DENND1A: variants seen among roughly 807,000 people sequenced by gnomAD.
DENND1A encodes the protein DENN domain containing 1A, also known as DENN domain-containing protein 1A.
In DENND1A, 51 loss-of-function variants were observed where a neutral mutation model predicts 113.7. That is an observed-to-expected ratio of 0.45 (90% confidence interval 0.36 to 0.57). DENND1A has a LOEUF of 0.57. Ranked by LOEUF, DENND1A falls within the 20% of genes least tolerant of loss-of-function variation. DENND1A has a pLI of 0.00. For missense variants in DENND1A, 1,258 were observed against 1,395.9 expected (o/e 0.90, Z 1.57); for synonymous variants, 565 against 570.8 (o/e 0.99, Z 0.14).
At chr9:123,526,210 C>A (rs1027849098) in intron 13 of DENND1A, among the ~76,000 whole-genome samples, 3 of 152,140 alleles carry the variant, frequency 2.0e-5, no homozygotes, top group South Asian at 4.1e-4. Flanking sequence ...CACCCCCATG[C>A]CTGCTGTTAG....
intron 5 of DENND1A, among the ~76,000 whole-genome samples, chr9:123,723,255 C>T (rs1323812271): frequency 6.6e-6 from 1 of 152,218 alleles, no homozygotes; most frequent in East Asian, 1.9e-4. Context: ...TTTCTGTACC[C>T]CCAGTGTATC....
chr9:123,730,526 C>A (rs920648043), intron 5 of DENND1A, among the ~76,000 whole-genome samples: 1 of 152,156 alleles, frequency 6.6e-6, no homozygotes, highest in African/African-American at 2.4e-5. Context: ...CACTGGCCAT[C>A]AGAGAAATGC....
intron 13 of DENND1A, among the ~76,000 whole-genome samples, chr9:123,458,558 C>T (rs1390497968): frequency 6.6e-6 from 1 of 152,132 alleles, no homozygotes; most frequent in African/African-American, 2.4e-5. Context: ...CCTTCCGTAC[C>T]CCAAGGGCTA....
intron 21 of DENND1A, among the ~76,000 whole-genome samples, chr9:123,390,236 T>A (rs1342898187): frequency 6.6e-6 from 1 of 152,224 alleles, no homozygotes; most frequent in Non-Finnish European, 1.5e-5. Flanking sequence ...ACAGCATGAA[T>A]GCTGTGGAAG....
intron 8 of DENND1A, among the ~76,000 whole-genome samples, chr9:123,666,581 T>C (rs2063502491): frequency 6.6e-6 from 1 of 152,154 alleles, no homozygotes; most frequent in Non-Finnish European, 1.5e-5. Flanking sequence ...ATTTCACTTA[T>C]AAAAGCAGAA....
intron 13 of DENND1A, among the ~76,000 whole-genome samples, chr9:123,472,608 A>G (rs528574633): frequency 4.4e-4 from 67 of 152,166 alleles, no homozygotes; most frequent in African/African-American, 1.4e-3. Context: ...CGAGGGAAAC[A>G]TGCCCAGGAG....
chr9:123,622,124 A>G (rs1331226456), intron 10 of DENND1A, among the ~76,000 whole-genome samples: 1 of 152,196 alleles, frequency 6.6e-6, no homozygotes, highest in Non-Finnish European at 1.5e-5. Context: ...TTCACTGTAC[A>G]TATCCTATTT....
rs187316692 is a variant in DENND1A, at chr9:123,587,041, C to T, written c.766-3771G>A. ...CAGGTTGAGAAATAATAGACACACA[C>T]GAGATAGTGAAAGCTGGGTCCAGGG... On this transcript the variant is annotated intron_variant, in intron 11 of 23. Coordinates refer to ENST00000394215, the MANE Select transcript of DENND1A (RefSeq NM_001352964.2). Among the ~76,000 whole-genome samples the T allele has an allele frequency of 8.6e-5, 13 of 151,652 alleles. No homozygotes were observed. In the East Asian group the frequency reaches 1.2e-3, roughly 14 times the overall value.
At chr9:123,588,620 CA>C (rs546095119) in intron 11 of DENND1A, among the ~76,000 whole-genome samples, 318 of 51,246 alleles carry the variant, frequency 6.2e-3, no homozygotes, top group Non-Finnish European at 8.5e-3. Context: ...AACTCCATCT[CA>C]AAAAAAAAAA....
At chr9:123,839,688 T>C (rs906241146) in intron 2 of DENND1A, among the ~76,000 whole-genome samples, 7 of 152,234 alleles carry the variant, frequency 4.6e-5, no homozygotes, top group African/African-American at 1.2e-4. Flanking sequence ...TTCTTTTAAA[T>C]TGAATAATTT....
intron 2 of DENND1A, among the ~76,000 whole-genome samples, chr9:123,877,566 G>GA (rs1847685263): frequency 6.6e-6 from 1 of 152,154 alleles, no homozygotes; most frequent in Non-Finnish European, 1.5e-5. Context: ...GCTCATACCT[G>GA]TAATCCCAGC....
chr9:123,614,022 T>G (rs2060530864), intron 10 of DENND1A, among the ~76,000 whole-genome samples: 1 of 152,208 alleles, frequency 6.6e-6, no homozygotes, highest in African/African-American at 2.4e-5. Context: ...GTTTGAATCC[T>G]CTTAAGAGGA....
intron 13 of DENND1A, among the ~76,000 whole-genome samples, chr9:123,469,442 A>T (rs142937919): frequency 1.0e-3 from 159 of 152,380 alleles, no homozygotes; most frequent in African/African-American, 3.7e-3. Context: ...GCTAGATTAC[A>T]GTAAAGACAT....
intron 20 of DENND1A, among the ~76,000 whole-genome samples, chr9:123,410,580 C>CA (rs2044227288): frequency 2.6e-5 from 4 of 152,102 alleles, no homozygotes; most frequent in African/African-American, 7.2e-5. Flanking sequence ...CCACCCACAG[C>CA]GGGGAAGGGA....
intron 5 of DENND1A, among the ~76,000 whole-genome samples, chr9:123,691,540 A>ATT (rs59588397): frequency 6.7e-4 from 94 of 140,830 alleles, no homozygotes; most frequent in African/African-American, 1.8e-3. Context: ...TCTTTGTGTG[A>ATT]TTTTTTTTTT....
At chr9:123,904,100 C>A (rs1037298925) in intron 1 of DENND1A, among the ~76,000 whole-genome samples, 1 of 152,118 alleles carries the variant, frequency 6.6e-6, no homozygotes, top group African/African-American at 2.4e-5. Flanking sequence ...AGGCACCCCC[C>A]AGCAGGGGCA....
intron 13 of DENND1A, among the ~76,000 whole-genome samples, chr9:123,463,920 A>AAAG (rs2048731701): frequency 6.6e-6 from 1 of 150,884 alleles, no homozygotes. Context: ...AAAAAAAAAA[A>AAAG]AAATTAAAAA....
At chr9:123,903,798 G>A (rs1434350663) in intron 1 of DENND1A, among the ~76,000 whole-genome samples, 1 of 152,148 alleles carries the variant, frequency 6.6e-6, no homozygotes. Flanking sequence ...CTGGGGGAGG[G>A]GCGCCCGCCA....
intron 5 of DENND1A, among the ~76,000 whole-genome samples, chr9:123,725,563 G>A (rs970944511): frequency 2.6e-5 from 4 of 152,246 alleles, no homozygotes; most frequent in Non-Finnish European, 5.9e-5. Flanking sequence ...GTACACAGTT[G>A]CAAGGCCGCA....
Sources: gnomAD v4.1 joint callset for allele counts (sites outside exome capture counted in the v4.1 genomes callset) on GRCh38, gnomAD v4.1.1 for gene constraint, MANE v1.5 for transcripts, NCBI Gene and HGNC (gene_info 2026-07-23, HGNC 2026-07-21) for gene names.